The following SMG1 variants were observed in gnomAD, a reference collection of about 807,000 sequenced individuals.
SMG1 encodes SMG1 nonsense mediated mRNA decay associated PI3K related kinase.
In SMG1, 22 loss-of-function variants were observed where a neutral mutation model predicts 419.9. The ratio of observed to expected loss-of-function variants is 0.05; its 90% CI spans 0.04 to 0.07. The LOEUF is 0.07. Ranked by LOEUF, SMG1 falls within the 10% of genes least tolerant of loss-of-function variation. The pLI is 1.00. For synonymous variants in SMG1, 1,538 were observed against 1,553.5 expected, an observed-to-expected ratio of 0.99 and a Z score of 0.23; for missense variants, 3,185 against 4,342.0, an observed-to-expected ratio of 0.73 and a Z score of 7.49.
At chr16:18,817,208 G>A (rs2032093153) in intron 57 of SMG1, 83 bp downstream of exon 57, 1 of 1,175,752 alleles carries the variant, frequency 8.5e-7, no homozygotes, top group Non-Finnish European at 1.1e-6. Context: ...CTCAACGAAT[G>A]TAATCGGAAT....
At chr16:18,920,225 T>TA (rs2038142475) in intron 1 of SMG1, among the ~76,000 whole-genome samples, 2 of 151,468 alleles carry the variant, frequency 1.3e-5, no homozygotes, top group Non-Finnish European at 2.9e-5. Context: ...CTACTAAATA[T>TA]AAAAAAGTTA....
chr16:18,849,908 T>C (rs2034494438), intron 35 of SMG1, 41 bp downstream of exon 35: 1 of 1,580,558 alleles, frequency 6.3e-7, no homozygotes, highest in Non-Finnish European at 8.6e-7. Flanking sequence ...TATATCCTAG[T>C]GAGAAACTAT....
chr16:18,895,821 T>C (rs890089463), intron 3 of SMG1, among the ~76,000 whole-genome samples: 23 of 152,206 alleles, frequency 1.5e-4, no homozygotes, highest in African/African-American at 5.3e-4. Flanking sequence ...GATAATTGGG[T>C]AAACCTTTTC....
At chr16:18,900,993 T>C (rs1452538818) in intron 1 of SMG1, among the ~76,000 whole-genome samples, 2 of 152,226 alleles carry the variant, frequency 1.3e-5, no homozygotes, top group African/African-American at 4.8e-5. Context: ...TATGAGTCTA[T>C]GGCTAAAATA....
intron 1 of SMG1, among the ~76,000 whole-genome samples, chr16:18,901,696 C>G (rs911634725): frequency 1.6e-4 from 25 of 152,190 alleles, no homozygotes; most frequent in Admixed American, 4.6e-4. Context: ...GGGTCCTGGC[C>G]AGAAGCAGTG....
At position 18,815,210 on chromosome 16, in the gene SMG1, G is replaced by A. The variant is rs753129447; in HGVS notation, c.10586C>T (p.Thr3529Met). Reference sequence around the variant, plus strand: ...GGATGGCTGATAAGTAGCAGATGACGTTGGACTCGAACATTCATTTGTTGC... The same window carrying A: ...GGATGGCTGATAAGTAGCAGATGACATTGGACTCGAACATTCATTTGTTGC... ...TDATNECSSP[T>M]SSATYQPSFA... The change falls in exon 60 of 63, where the codon ACG (threonine) becomes ATG (methionine). Residue 3529 changes from threonine to methionine, a missense_variant. This residue lies in a region of SMG1 where 737 missense variants were observed against 846.6 expected (regional missense o/e 0.87). Coordinates refer to ENST00000446231, the MANE Select transcript of SMG1 (RefSeq NM_015092.5). The A allele has an allele frequency of 6.3e-6, 10 of 1,595,798 alleles. No individual in the cohort carries two copies. The highest frequency in any genetic ancestry group is 3.5e-5 in the Admixed American group (2 of 57,600).
At chr16:18,868,383 G>C in intron 21 of SMG1, 29 bp from the exon 22 acceptor site, 1 of 1,176,436 alleles carries the variant, frequency 8.5e-7, no homozygotes, top group Non-Finnish European at 1.2e-6. Flanking sequence ...AAAAGCTCAG[G>C]ACTGGTTCAA....
intron 38 of SMG1, among the ~76,000 whole-genome samples, chr16:18,846,335 G>A (rs2034267371): frequency 6.6e-6 from 1 of 152,058 alleles, no homozygotes; most frequent in South Asian, 2.1e-4. Flanking sequence ...ATGATTCCTT[G>A]GATATGGCAC....
At chr16:18,847,044 C>G (rs1337032674) in intron 38 of SMG1, among the ~76,000 whole-genome samples, 2 of 124,986 alleles carry the variant, frequency 1.6e-5, no homozygotes, top group Non-Finnish European at 3.3e-5. Flanking sequence ...CAGTATTATT[C>G]AGCGATAAAA....
chr16:18,821,375 G>A (rs2032552816), intron 55 of SMG1, among the ~76,000 whole-genome samples: 1 of 40,468 alleles, frequency 2.5e-5, no homozygotes, highest in Admixed American at 2.9e-4. Flanking sequence ...TCTAGCATTA[G>A]GTATATCTCC....
chr16:18,880,077 C>T lies in SMG1; in HGVS notation c.1294-358G>A, dbSNP rs564280099. ...AATGGTATTGACAGCATGGGAATAG[C>T]CTGCCCACACATACTACAAGCTAGC... On this transcript the variant is annotated intron_variant, in intron 10 of 62. Transcript: ENST00000446231. 3.3e-5 allele frequency among the ~76,000 whole-genome samples: 5 copies of T among 152,290 alleles called. No homozygotes were observed. In the South Asian group the frequency reaches 1.0e-3, roughly 32 times the overall value.
Position 18,879,787 on chromosome 16 carries a change from T to C in SMG1, c.1294-68A>G, listed in dbSNP as rs1212850578. The C allele has an allele frequency of 1.5e-5, 15 of 993,654 alleles. No individual in the cohort carries two copies. The East Asian group carries it at 3.9e-4, about 26-fold the overall frequency. 61.6% of individuals were successfully genotyped at this position (993,654 alleles called of 1,614,324 possible). On this transcript the variant is annotated intron_variant, in intron 10 of 62. Coordinates refer to ENST00000446231, the MANE Select transcript of SMG1 (RefSeq NM_015092.5). Reference sequence around the variant, plus strand: ...TGCTTCCACAAAGCAAGAAAATACTTTTTATTTAATGCAATTTCAACTGAA... The same window carrying C: ...TGCTTCCACAAAGCAAGAAAATACTCTTTATTTAATGCAATTTCAACTGAA...
At chr16:18,848,319 T>C (rs993834580) in intron 36 of SMG1, among the ~76,000 whole-genome samples, 2 of 22,174 alleles carry the variant, frequency 9.0e-5, no homozygotes, top group East Asian at 6.9e-4. Flanking sequence ...GGTATAATCC[T>C]TTTTTTTTTT....
intron 1 of SMG1, among the ~76,000 whole-genome samples, chr16:18,907,263 C>T (rs2037599528): frequency 1.3e-5 from 2 of 151,188 alleles, no homozygotes; most frequent in South Asian, 2.1e-4. Context: ...GCCTGGGCAA[C>T]GAGAGAAACT....
intron 55 of SMG1, among the ~76,000 whole-genome samples, chr16:18,821,217 G>GTTTTT (rs2032501770): frequency 3.5e-4 from 11 of 31,736 alleles, no homozygotes; most frequent in African/African-American, 1.2e-3. Context: ...TATTTAGTAT[G>GTTTTT]TTTCTTTTTT....
intron 1 of SMG1, among the ~76,000 whole-genome samples, chr16:18,918,737 C>T (rs910398117): frequency 7.2e-5 from 11 of 152,212 alleles, no homozygotes; most frequent in Admixed American, 2.6e-4. Flanking sequence ...TTAGTAGAGA[C>T]GGGGTTTCAC....
rs756723230 is a variant in SMG1, at chr16:18,847,907, C to T, written c.5750G>A (p.Ser1917Asn). 1 of 1,614,044 alleles carries T rather than the reference C, an allele frequency of 6.2e-7. No homozygotes were observed. The highest frequency in any genetic ancestry group is 8.5e-7 in the Non-Finnish European group (1 of 1,179,892). The change falls in exon 37 of 63, where the codon AGT (serine) becomes AAT (asparagine). Residue 1917 changes from serine (S) to asparagine (N), a missense_variant. Physicochemically the swap from Ser to Asn is conservative, Grantham distance 46 (BLOSUM62 1). This residue lies in a region of SMG1 where 130 missense variants were observed against 162.0 expected (regional missense o/e 0.80). Transcript: ENST00000446231. ...SQDSNKDEPK[S>N]GLNEDQAMMQ... ...CATGGCTTGGTCTTCATTTAATCCACTTTTAGGTTCATCCTTATTGCTATC... is the reference window on the plus strand; with the variant it reads ...CATGGCTTGGTCTTCATTTAATCCATTTTTAGGTTCATCCTTATTGCTATC...
intron 1 of SMG1, among the ~76,000 whole-genome samples, chr16:18,902,449 C>A (rs996016335): frequency 6.6e-6 from 1 of 151,952 alleles, no homozygotes; most frequent in Non-Finnish European, 1.5e-5. Context: ...AAGCCTGTAA[C>A]CCCAGCACTT....
intron 6 of SMG1, among the ~76,000 whole-genome samples, chr16:18,887,347 A>C (rs1456090652): frequency 1.3e-5 from 2 of 151,580 alleles, no homozygotes; most frequent in Non-Finnish European, 2.9e-5. Context: ...CAAGGGGAAA[A>C]ATGTTTTGTT....
Sources: allele counts gnomAD v4.1 joint callset (sites outside exome capture counted in the v4.1 genomes callset), GRCh38; gene constraint gnomAD v4.1.1; regional missense constraint gnomAD v4.1.1; transcripts MANE v1.5; gene names NCBI Gene and HGNC (gene_info 2026-07-23, HGNC 2026-07-21).